The following TMEM185B variants were observed in gnomAD, a reference collection of about 807,000 sequenced individuals.
TMEM185B encodes the protein transmembrane protein 185B.
TMEM185B carries 9 observed loss-of-function variants against 26.2 expected under a neutral mutation model. The observed-to-expected ratio is 0.34, with a 90% CI of 0.21 to 0.60. The LOEUF (loss-of-function observed/expected upper bound fraction) is 0.60. Among genes scored for constraint, TMEM185B ranks in the 20% least tolerant of loss-of-function variants. The pLI is 0.80. For missense variants in TMEM185B, 392 were observed against 447.9 expected, an observed-to-expected ratio of 0.88 and a Z score of 1.13; for synonymous variants, 204 against 191.8, an observed-to-expected ratio of 1.06 and a Z score of -0.52.
Position 120,223,088 on chromosome 2 carries a change from C to A in TMEM185B, c.-112G>T, listed in dbSNP as rs1688620649. Reference sequence around the variant, plus strand: ...CCGGGCCCCGCCCAAGCCGGCTCCGCGTGGACGAATGCCGGGACGACCAGG... The same window carrying A: ...CCGGGCCCCGCCCAAGCCGGCTCCGAGTGGACGAATGCCGGGACGACCAGG... On this transcript the variant is annotated 5_prime_UTR_variant, in exon 1 of 1. Coordinates refer to ENST00000426077, the MANE Select transcript of TMEM185B (RefSeq NM_024121.3). 1.1e-5 allele frequency: 9 copies of A among 782,728 alleles called. No homozygotes were observed. Among genetic ancestry groups the A allele is most frequent in the Non-Finnish European group, 1.6e-5 (9 of 572,014 alleles). 48.5% of individuals were successfully genotyped at this position (782,728 alleles called of 1,614,324 possible).
rs957397298 is a variant in TMEM185B at position 120,217,870 on chromosome 2, C to T, written c.*4054G>A. Among the ~76,000 whole-genome samples the T allele has an allele frequency of 1.3e-4, 20 of 152,144 alleles. No homozygotes were observed. The highest frequency in any genetic ancestry group is 4.8e-4 in the African/African-American group (20 of 41,414). ...AGACACCTGCAGATATCCTGGGTTG[C>T]GGGCTGGAAGAAGTATTAACAGTTG... On this transcript the variant is annotated 3_prime_UTR_variant, in exon 1 of 1. Transcript: ENST00000426077.
chr2:120,217,723 GA>G lies in TMEM185B; in HGVS notation c.*4200del, dbSNP rs1045475468. ...ACTGAAGAAAACCACGTGGGGTTGGGAAAGGAAGGACCTTGAGGACCCTCAG... is the reference window on the plus strand; with the variant it reads ...ACTGAAGAAAACCACGTGGGGTTGGGAAGGAAGGACCTTGAGGACCCTCAG... On this transcript the variant is annotated 3_prime_UTR_variant, in exon 1 of 1. Coordinates refer to ENST00000426077, the MANE Select transcript of TMEM185B (RefSeq NM_024121.3). Among the ~76,000 whole-genome samples, 1 of 152,148 alleles carries G rather than the reference GA, an allele frequency of 6.6e-6. No homozygotes were observed. The highest frequency in any genetic ancestry group is 2.4e-5 in the African/African-American group (1 of 41,390).
Position 120,220,173 on chromosome 2 carries a change from T to G in TMEM185B, c.*1751A>C, listed in dbSNP as rs200844850. On this transcript the variant is annotated 3_prime_UTR_variant, in exon 1 of 1. Coordinates refer to ENST00000426077, the MANE Select transcript of TMEM185B (RefSeq NM_024121.3). ...TTTAATGTTTTATATAGGGCAAAAA[T>G]AGTGAATTTAGGGTTATGTGTTTTT... Among the ~76,000 whole-genome samples the G allele has an allele frequency of 6.6e-6, 1 of 152,166 alleles. No individual in the cohort carries two copies. The highest frequency in any genetic ancestry group is 1.9e-4 in the East Asian group (1 of 5,190).
rs1265833634 is a variant in TMEM185B at position 120,222,940 on chromosome 2, T to A, written c.37A>T (p.Ser13Cys). Reference protein sequence around the residue: ...PRGLFQDFNPSKFLIYTCLLL... With the variant: ...PRGLFQDFNPCKFLIYTCLLL... Reference sequence around the variant, plus strand: ...AGGCAGGTGTAGATGAGAAACTTACTGGGGTTGAAGTCCTGGAACAGGCCC... The same window carrying A: ...AGGCAGGTGTAGATGAGAAACTTACAGGGGTTGAAGTCCTGGAACAGGCCC... The change falls in exon 1 of 1, where the codon AGT (serine) becomes TGT (cysteine). Residue 13 changes from serine to cysteine, a missense_variant. This residue lies in a region of TMEM185B where 175 missense variants were observed against 169.1 expected (regional missense o/e 1.03). Coordinates refer to ENST00000426077, the MANE Select transcript of TMEM185B (RefSeq NM_024121.3). The A allele has an allele frequency of 6.9e-7, 1 of 1,444,536 alleles. No individual in the cohort carries two copies. The highest frequency in any genetic ancestry group is 1.5e-5 in the South Asian group (1 of 68,082). 89.5% of individuals were successfully genotyped at this position (1,444,536 alleles called of 1,614,324 possible).
rs1688574934 is a variant in TMEM185B, at chr2:120,220,818, A to T, written c.*1106T>A. ...TCTTATCTACAAAGATAATTTGAAC[A>T]GTTGTTTCCCTATTGCTGACAGATT... On this transcript the variant is annotated 3_prime_UTR_variant, in exon 1 of 1. Coordinates refer to ENST00000426077, the MANE Select transcript of TMEM185B (RefSeq NM_024121.3). Among the ~76,000 whole-genome samples, 1 of 152,368 alleles carries T rather than the reference A, an allele frequency of 6.6e-6. No individual in the cohort carries two copies. The highest frequency in any genetic ancestry group is 1.5e-5 in the Non-Finnish European group (1 of 68,028).
rs1297968298 is a variant in TMEM185B, at chr2:120,222,774, T to C, written c.203A>G (p.Asn68Ser). The change falls in exon 1 of 1, where the codon AAC becomes AGC. Residue 68 changes from asparagine (N) to serine (S), a missense_variant. Asn to Ser is a conservative substitution (Grantham distance 46). Around this residue, in one of 3 missense-constraint regions of TMEM185B, gnomAD observed 175 missense variants for 169.1 expected, o/e 1.03. Coordinates refer to ENST00000426077, the MANE Select transcript of TMEM185B (RefSeq NM_024121.3). ...ASVGAGVWAR[N>S]PRYRTEGEAC... ...CTCTCCCTCGGTGCGGTAGCGAGGG[T>C]TGCGGGCCCAAACGCCCGCGCCCAC... is the stretch of plus-strand genomic sequence containing the variant. 6.5e-7 allele frequency: 1 copy of C among 1,535,232 alleles called. No homozygotes were observed.
In TMEM185B at chr2:120,222,176, GC is replaced by G; in HGVS notation, c.800del (p.Gly267AlafsTer23). 1.3e-6 allele frequency: 2 copies of G among 1,553,176 alleles called. No individual in the cohort carries two copies. On this transcript the variant is annotated frameshift_variant, in exon 1 of 1. Transcript: ENST00000426077. LOFTEE classifies it high-confidence loss of function. Reference protein sequence around the residue: ...LMATTFRRKGGNHWWFGIRRD... With the variant: ...LMATTFRRKGXNHWWFGIRRD... ...TGCGAATGCCAAACCACCAATGATT[GC>G]CCCCCTTTCGCCTAAATGTTGTGGC...
In TMEM185B at chr2:120,219,285, A is replaced by G. The variant is rs1332148619; in HGVS notation, c.*2639T>C. On this transcript the variant is annotated 3_prime_UTR_variant, in exon 1 of 1. Transcript: ENST00000426077. ...CTGAATGCTGGATAATCAGTGTTTC[A>G]TGGCAGTTAGGTAAATCCCAGGCAC... 1.3e-5 allele frequency among the ~76,000 whole-genome samples: 2 copies of G among 152,188 alleles called. No homozygotes were observed. Among genetic ancestry groups the G allele is most frequent in the Admixed American group, 1.3e-4 (2 of 15,282 alleles).
Position 120,222,643 on chromosome 2 carries a change from A to G in TMEM185B, c.334T>C (p.Trp112Arg), listed in dbSNP as rs2104551604. The G allele has an allele frequency of 6.5e-7, 1 of 1,536,526 alleles. No individual in the cohort carries two copies. Among genetic ancestry groups the G allele is most frequent in the African/African-American group, 1.4e-5 (1 of 73,182 alleles). The change falls in exon 1 of 1, where the codon TGG (tryptophan) becomes CGG (arginine). Residue 112 changes from tryptophan to arginine, a missense_variant. By Grantham distance (101) the Trp-to-Arg change is moderately radical. Around this residue, in one of 3 missense-constraint regions of TMEM185B, gnomAD observed 175 missense variants for 169.1 expected, o/e 1.03. Transcript: ENST00000426077. The stretch of plus-strand genomic sequence containing the variant: ...AAGAGAGGCATGAAGACCAGCAGCC[A>G]GAAGTGGGTGCCCCTCTCCACCCTG... ...CDRVERGTHFWLLVFMPLFFV... is the reference protein window; with the variant it reads ...CDRVERGTHFRLLVFMPLFFV...
Position 120,222,449 on chromosome 2 carries a change from C to A in TMEM185B, c.528G>T (p.Trp176Cys). ...WPWLVVFVPL[W>C]ILMSFLCLVV... ...CCAGGCAAAGGAACGACATGAGGAT[C>A]CACAGGGGCACAAACACCACCAGCC... Residue 176 changes from tryptophan (W) to cysteine (C), a missense_variant, in exon 1 of 1, where the codon TGG (tryptophan) becomes TGT (cysteine). Trp to Cys is a radical substitution (Grantham distance 215). Around this residue, in one of 3 missense-constraint regions of TMEM185B, gnomAD observed 41 missense variants for 77.3 expected, o/e 0.53. Coordinates refer to ENST00000426077, the MANE Select transcript of TMEM185B (RefSeq NM_024121.3). 6.5e-7 allele frequency: 1 copy of A among 1,536,162 alleles called. No homozygotes were observed. The highest frequency in any genetic ancestry group is 8.7e-7 in the Non-Finnish European group (1 of 1,146,906).
Position 120,221,867 on chromosome 2 carries a change from T to G in TMEM185B, c.*57A>C, listed in dbSNP as rs909018324. 7.4e-7 allele frequency: 1 copy of G among 1,359,994 alleles called. No individual in the cohort carries two copies. The highest frequency in any genetic ancestry group is 2.5e-5 in the East Asian group (1 of 39,836). The allele number at this position is 1,359,994 out of a possible 1,614,324, so 84.2% of individuals were successfully genotyped here. A position where few individuals can be genotyped will look rare whatever the true frequency, so the allele number is the denominator to read the frequency against. On this transcript the variant is annotated 3_prime_UTR_variant, in exon 1 of 1. Transcript: ENST00000426077. Reference sequence around the variant, plus strand: ...TTTCCATTTCCAGGTTTGGGATGAATGAACAAGAGGCGAAGGCCAAGTGGA... The same window carrying G: ...TTTCCATTTCCAGGTTTGGGATGAAGGAACAAGAGGCGAAGGCCAAGTGGA...
Position 120,222,966 on chromosome 2 carries a change from C to A in TMEM185B, c.11G>T (p.Arg4Met). 1 of 1,429,580 alleles carries A rather than the reference C, an allele frequency of 7.0e-7. No homozygotes were observed. The highest frequency in any genetic ancestry group is 9.1e-7 in the Non-Finnish European group (1 of 1,096,682). The allele number at this position is 1,429,580 out of a possible 1,614,324, so 88.6% of individuals were successfully genotyped here. A position where few individuals can be genotyped will look rare whatever the true frequency, so the allele number is the denominator to read the frequency against. Residue 4 changes from arginine (R) to methionine (M), a missense_variant, in exon 1 of 1, where the codon AGG (arginine) becomes ATG (methionine). Around this residue, in one of 3 missense-constraint regions of TMEM185B, gnomAD observed 175 missense variants for 169.1 expected, o/e 1.03. Coordinates refer to ENST00000426077, the MANE Select transcript of TMEM185B (RefSeq NM_024121.3). ...GGGGTTGAAGTCCTGGAACAGGCCC[C>A]TGGGGTTCATGGCGGAGGCCGCCGC... MNP[R>M]GLFQDFNPSK...
chr2:120,220,364 T>C lies in TMEM185B; in HGVS notation c.*1560A>G, dbSNP rs1327201543. Reference sequence around the variant, plus strand: ...TTCGACCTCCTTTCGAAAGTATTTATTTGTTCTCAAACATTACTCTTGCAG... The same window carrying C: ...TTCGACCTCCTTTCGAAAGTATTTACTTGTTCTCAAACATTACTCTTGCAG... On this transcript the variant is annotated 3_prime_UTR_variant, in exon 1 of 1. Transcript: ENST00000426077. Among the ~76,000 whole-genome samples the C allele has an allele frequency of 1.3e-5, 2 of 152,250 alleles. No homozygotes were observed. The highest frequency in any genetic ancestry group is 1.3e-4 in the Admixed American group (2 of 15,280).
Position 120,222,848 on chromosome 2 carries a change from G to A in TMEM185B, c.129C>T (p.Val43=). The A allele has an allele frequency of 1.3e-6, 2 of 1,499,856 alleles. No homozygotes were observed. Among genetic ancestry groups the A allele is most frequent in the South Asian group, 2.6e-5 (2 of 77,992 alleles). The allele number at this position is 1,499,856 out of a possible 1,614,324, so 92.9% of individuals were successfully genotyped here. A position where few individuals can be genotyped will look rare whatever the true frequency, so the allele number is the denominator to read the frequency against. Residue 43 remains valine, a synonymous_variant, in exon 1 of 1, where the codon GTC becomes GTT. Coordinates refer to ENST00000426077, the MANE Select transcript of TMEM185B (RefSeq NM_024121.3). ...DGIIQWSYWA[V]FAPIWLWKLL... The stretch of plus-strand genomic sequence containing the variant: ...GCTTCCACAGCCATATGGGGGCAAA[G>A]ACGGCCCAGTAGCTCCATTGGATGA...
chr2:120,218,733 C>T lies in TMEM185B; in HGVS notation c.*3191G>A, dbSNP rs1688538330. ...GGTCTTTCTCATCTCACCTCAAATC[C>T]CCAACAGATCCCTTCTAATGGAAAC... On this transcript the variant is annotated 3_prime_UTR_variant, in exon 1 of 1. Transcript: ENST00000426077. 6.6e-6 allele frequency among the ~76,000 whole-genome samples: 1 copy of T among 152,244 alleles called. No homozygotes were observed. Among genetic ancestry groups the T allele is most frequent in the Non-Finnish European group, 1.5e-5 (1 of 68,050 alleles).
Position 120,217,915 on chromosome 2 carries a change from CCT to C in TMEM185B, c.*4007_*4008del, listed in dbSNP as rs1688528405. 6.6e-6 allele frequency among the ~76,000 whole-genome samples: 1 copy of C among 152,156 alleles called. No homozygotes were observed. The highest frequency in any genetic ancestry group is 1.5e-5 in the Non-Finnish European group (1 of 68,024). ...CAGTTGATGAAGCAGCTTGGCATTG[CCT>C]CTCTTTTCTCCTAGGGAAGGGATAA... On this transcript the variant is annotated 3_prime_UTR_variant, in exon 1 of 1. Coordinates refer to ENST00000426077, the MANE Select transcript of TMEM185B (RefSeq NM_024121.3).
Position 120,218,126 on chromosome 2 carries a change from C to T in TMEM185B, c.*3798G>A, listed in dbSNP as rs372058213. Among the ~76,000 whole-genome samples the T allele has an allele frequency of 5.3e-5, 8 of 152,310 alleles. No individual in the cohort carries two copies. In the East Asian group the frequency reaches 5.8e-4, roughly 11 times the overall value. On this transcript the variant is annotated 3_prime_UTR_variant, in exon 1 of 1. Coordinates refer to ENST00000426077, the MANE Select transcript of TMEM185B (RefSeq NM_024121.3). ...TCGAGTGAGTTCTGGCAGAGTCCTGCCCCCTCCTCCTCGAGACAAAGGAGC... is the reference window on the plus strand; with the variant it reads ...TCGAGTGAGTTCTGGCAGAGTCCTGTCCCCTCCTCCTCGAGACAAAGGAGC...
Position 120,222,647 on chromosome 2 carries a change from G to A in TMEM185B, c.330C>T (p.His110=), listed in dbSNP as rs960071108. The A allele has an allele frequency of 2.2e-5, 34 of 1,536,370 alleles. No individual in the cohort carries two copies. Among genetic ancestry groups the A allele is most frequent in the Middle Eastern group, 3.3e-4 (2 of 6,012 alleles). The change falls in exon 1 of 1, where the codon CAC becomes CAT. Residue 110 remains histidine, a synonymous_variant. Coordinates refer to ENST00000426077, the MANE Select transcript of TMEM185B (RefSeq NM_024121.3). ...GAGGCATGAAGACCAGCAGCCAGAA[G>A]TGGGTGCCCCTCTCCACCCTGTCGC... ...LVCDRVERGT[H]FWLLVFMPLF...
rs1688541977 is a variant in TMEM185B, at chr2:120,218,936, A to G, written c.*2988T>C. On this transcript the variant is annotated 3_prime_UTR_variant, in exon 1 of 1. Transcript: ENST00000426077. ...TGCACTGCCTCACCCCACAGAGGTC[A>G]GGCATGGCCATGTGTTGTGGCCAAC... Among the ~76,000 whole-genome samples the G allele has an allele frequency of 6.6e-6, 1 of 152,230 alleles. No individual in the cohort carries two copies. The highest frequency in any genetic ancestry group is 1.5e-5 in the Non-Finnish European group (1 of 68,042).
Sources: allele counts gnomAD v4.1 joint callset (sites outside exome capture counted in the v4.1 genomes callset), GRCh38; gene constraint gnomAD v4.1.1; regional missense constraint gnomAD v4.1.1; transcripts MANE v1.5; gene names NCBI Gene and HGNC (gene_info 2026-07-23, HGNC 2026-07-21).